DAG1: variants seen among roughly 807,000 people sequenced by gnomAD.
DAG1 encodes the protein dystroglycan 1, also known as dystroglycan 1 (dystrophin-associated glycoprotein 1).
In DAG1, 8 loss-of-function variants were observed where a neutral mutation model predicts 46.1. The ratio of observed to expected loss-of-function variants is 0.17; its 90% CI spans 0.10 to 0.31. DAG1 has a LOEUF of 0.31. DAG1 is among the 10% of genes least tolerant of loss of function. The pLI is 1.00. For synonymous variants in DAG1, 495 were observed against 481.8 expected (o/e 1.03, Z -0.36); for missense variants, 1,003 against 1,189.9 (o/e 0.84, Z 2.31).
intron 1 of DAG1, among the ~76,000 whole-genome samples, chr3:49,493,861 C>T (rs1559555113): frequency 6.6e-6 from 1 of 152,206 alleles, no homozygotes; most frequent in Non-Finnish European, 1.5e-5. Context: ...GCCTGGCCCA[C>T]CATTTCACTG....
chr3:49,481,563 G>C (rs2049882045), intron 1 of DAG1, among the ~76,000 whole-genome samples: 1 of 152,078 alleles, frequency 6.6e-6, no homozygotes, highest in African/African-American at 2.4e-5. Context: ...TTATAGCCAT[G>C]TGGAGACCTA....
Position 49,533,275 on chromosome 3 carries a change from GCCTGCAGACCATTGC to G in DAG1, c.*79_*93del. ...ATGGTGTTGTCTGTGGAGACCGGTG[GCCTGCAGACCATTGC>G]CCACCGGGAGCCGACACCTGACCTA... On this transcript the variant is annotated 3_prime_UTR_variant, in exon 3 of 3. Coordinates refer to ENST00000308775, the MANE Select transcript of DAG1 (RefSeq NM_004393.6). The G allele has an allele frequency of 1.9e-6, 3 of 1,585,748 alleles. No homozygotes were observed. The East Asian group carries it at 6.8e-5, about 36-fold the overall frequency.
intron 1 of DAG1, among the ~76,000 whole-genome samples, chr3:49,476,670 T>A (rs1001689106): frequency 5.3e-5 from 8 of 152,200 alleles, no homozygotes; most frequent in Non-Finnish European, 1.2e-4. Flanking sequence ...GGTTCTGGAT[T>A]GACTGTACAG....
intron 2 of DAG1, among the ~76,000 whole-genome samples, chr3:49,512,139 T>C (rs1286210490): frequency 2.0e-5 from 3 of 151,824 alleles, no homozygotes; most frequent in African/African-American, 7.3e-5. Context: ...TTAAGCCTTC[T>C]TCCCTCTTCA....
chr3:49,530,249 T>C (rs370281567), intron 2 of DAG1, among the ~76,000 whole-genome samples: 2 of 152,218 alleles, frequency 1.3e-5, no homozygotes, highest in Middle Eastern at 3.2e-3. Context: ...TGTTGTAATG[T>C]GAGTCCTTCA....
chr3:49,488,435 T>C lies in DAG1; in HGVS notation c.-117+18002T>C, dbSNP rs1251843521. 3.9e-5 allele frequency among the ~76,000 whole-genome samples: 6 copies of C among 152,200 alleles called. No homozygotes were observed. In the East Asian group the frequency reaches 7.7e-4, roughly 20 times the overall value. ...ACATCTAGGATTATATCCTTAGATA[T>C]GTTCTAAGAAGAATGCAAGGATGAG... On this transcript the variant is annotated intron_variant, in intron 1 of 2. Transcript: ENST00000308775.
chr3:49,530,645 T>G, intron 2 of DAG1, 152 bp from the exon 3 acceptor site: 1 of 1,113,802 alleles, frequency 9.0e-7, no homozygotes. Flanking sequence ...ATAAACTCAG[T>G]TGTGTCTCTC....
chr3:49,523,489 C>G (rs1383052956), intron 2 of DAG1, among the ~76,000 whole-genome samples: 1 of 152,184 alleles, frequency 6.6e-6, no homozygotes, highest in Non-Finnish European at 1.5e-5. Context: ...TTCTGGTAGA[C>G]AAGTGTTGAC....
chr3:49,520,140 G>T (rs778811541), intron 2 of DAG1, among the ~76,000 whole-genome samples: 1 of 152,214 alleles, frequency 6.6e-6, no homozygotes, highest in African/African-American at 2.4e-5. Context: ...GGGGACAAAG[G>T]CCTGGCCCTC....
Position 49,533,123 on chromosome 3 carries a change from C to G in DAG1, c.2612C>G (p.Ala871Gly). ...TACCAGCCCCCACCGCCCTTCACAG[C>G]ACCCATGGAGGGCAAGGGCTCCCGT... ...PPYQPPPPFT[A>G]PMEGKGSRPK... Residue 871 changes from alanine to glycine, a missense_variant, in exon 3 of 3, where the codon GCA becomes GGA. Physicochemically the swap from Ala to Gly is moderately conservative, Grantham distance 60. This residue lies in a region of DAG1 where 755 missense variants were observed against 854.1 expected (regional missense o/e 0.88). Transcript: ENST00000308775. 6.2e-7 allele frequency: 1 copy of G among 1,614,222 alleles called. No individual in the cohort carries two copies. The highest frequency in any genetic ancestry group is 1.1e-5 in the South Asian group (1 of 91,088).
intron 1 of DAG1, among the ~76,000 whole-genome samples, chr3:49,491,695 C>T (rs1276739430): frequency 1.3e-5 from 2 of 152,114 alleles, no homozygotes; most frequent in Non-Finnish European, 2.9e-5. Context: ...TCAGGATGGT[C>T]TCGATCTCCT....
chr3:49,471,211 T>C (rs1477091439), intron 1 of DAG1, among the ~76,000 whole-genome samples: 1 of 152,172 alleles, frequency 6.6e-6, no homozygotes, highest in African/African-American at 2.4e-5. Flanking sequence ...AGCACCTTCA[T>C]AGCGCAGAGT....
chr3:49,529,325 C>G (rs2051279990), intron 2 of DAG1, among the ~76,000 whole-genome samples: 1 of 152,188 alleles, frequency 6.6e-6, no homozygotes, highest in East Asian at 1.9e-4. Flanking sequence ...TATGAGCTAC[C>G]ATGCCCAGCT....
chr3:49,532,653 G>A lies in DAG1; in HGVS notation c.2142G>A (p.Arg714=). 1 of 1,614,120 alleles carries A rather than the reference G, an allele frequency of 6.2e-7. No individual in the cohort carries two copies. Among genetic ancestry groups the A allele is most frequent in the Non-Finnish European group, 8.5e-7 (1 of 1,179,990 alleles). Reference sequence around the variant, plus strand: ...CTGTGACGGGCTCTGGCAGTTGTCGGCACCTACAGTTTATCCCTGTGGTAC... The same window carrying A: ...CTGTGACGGGCTCTGGCAGTTGTCGACACCTACAGTTTATCCCTGTGGTAC... ...SITVTGSGSC[R]HLQFIPVVPP... The change falls in exon 3 of 3, where the codon CGG becomes CGA. Residue 714 remains arginine, a synonymous_variant. Transcript: ENST00000308775. The surrounding 1 kb of genome is among the most constrained non-coding windows in gnomAD (Gnocchi z 5.4).
At chr3:49,515,185 G>T (rs2050864738) in intron 2 of DAG1, among the ~76,000 whole-genome samples, 1 of 151,714 alleles carries the variant, frequency 6.6e-6, no homozygotes, top group Non-Finnish European at 1.5e-5. Flanking sequence ...GGCCAGGCTG[G>T]TATCAAACTC....
rs970342170 is a variant in DAG1 at position 49,479,529 on chromosome 3, C to G, written c.-117+9096C>G. ...TTCACCATGTTGGCCAAGCTGGTCT[C>G]GAACTGAACTCAGGTGATCCCGTCC... On this transcript the variant is annotated intron_variant, in intron 1 of 2. Transcript: ENST00000308775. 6.0e-5 allele frequency among the ~76,000 whole-genome samples: 9 copies of G among 150,406 alleles called. No individual in the cohort carries two copies. In the South Asian group the frequency reaches 1.9e-3, roughly 31 times the overall value.
intron 1 of DAG1, among the ~76,000 whole-genome samples, chr3:49,482,383 G>C (rs757364093): frequency 1.3e-5 from 2 of 152,222 alleles, no homozygotes; most frequent in Non-Finnish European, 2.9e-5. Context: ...AGTTGAGATA[G>C]AGGAAGGCCA....
At chr3:49,480,953 G>T in intron 1 of DAG1, among the ~76,000 whole-genome samples, 1 of 136,596 alleles carries the variant, frequency 7.3e-6, no homozygotes, top group Non-Finnish European at 1.7e-5. Context: ...AGTAGAGAGG[G>T]GGTTTCACCC....
chr3:49,527,896 A>AG (rs2051227764), intron 2 of DAG1, among the ~76,000 whole-genome samples: 1 of 152,052 alleles, frequency 6.6e-6, no homozygotes, highest in African/African-American at 2.4e-5. Flanking sequence ...AGTTGGCTTT[A>AG]CCCAGACCTC....
Sources: gnomAD v4.1 joint callset for allele counts (sites outside exome capture counted in the v4.1 genomes callset) on GRCh38, gnomAD v4.1.1 for gene constraint, gnomAD v4.1.1 regional missense constraint, Gnocchi (gnomAD v3.1) non-coding constraint, MANE v1.5 for transcripts, NCBI Gene and HGNC (gene_info 2026-07-23, HGNC 2026-07-21) for gene names.